CPT1C: variants seen among roughly 807,000 people sequenced by gnomAD.
The protein encoded by CPT1C is palmitoyl thioesterase CPT1C.
In CPT1C, 61 loss-of-function variants were observed where a neutral mutation model predicts 97.3. The ratio of observed to expected loss-of-function variants is 0.63; its 90% CI spans 0.51 to 0.78. The LOEUF is 0.78. Among genes scored for constraint, CPT1C ranks in the 30% least tolerant of loss-of-function variants. The probability of loss-of-function intolerance (pLI) is 0.00; values close to 1 mark genes in which losing one functional copy is unlikely to be tolerated. For missense variants in CPT1C, 975 were observed against 1,065.5 expected (o/e 0.92, Z 1.18); for synonymous variants, 469 against 447.2 (o/e 1.05, Z -0.61).
At position 49,706,485 on chromosome 19, in the gene CPT1C, C is replaced by G. The variant is rs960873215; in HGVS notation, c.1343+72C>G. 8.5e-6 allele frequency: 11 copies of G among 1,286,954 alleles called. No individual in the cohort carries two copies. The highest frequency in any genetic ancestry group is 1.0e-5 in the Non-Finnish European group (10 of 990,908). 79.7% of individuals were successfully genotyped at this position (1,286,954 alleles called of 1,614,324 possible). On this transcript the variant is annotated intron_variant, in intron 12 of 19. Transcript: ENST00000598293. The surrounding 1 kb of genome is among the most constrained non-coding windows in gnomAD (Gnocchi z 4.8). ...CCAGTATCAGACCTAGGACCCCTGA[C>G]AGTAGACAGCCAGACCCTGGAGCCC...
In CPT1C at chr19:49,694,079, TAAAATAA is replaced by T. The variant is rs1221215124; in HGVS notation, c.141+1695_141+1701del. Among the ~76,000 whole-genome samples, 284 of 144,462 alleles carry T rather than the reference TAAAATAA, an allele frequency of 2.0e-3. 3 individuals carry two copies. Among genetic ancestry groups the T allele is most frequent in the South Asian group, 3.2e-3 (15 of 4,640 alleles). The allele number at this position is 144,462 out of a possible 152,430, so 94.8% of individuals were successfully genotyped here. On this transcript the variant is annotated intron_variant, in intron 3 of 19. Transcript: ENST00000598293. Reference sequence around the variant, plus strand: ...GACTCCGTCTCAAAAAAAAATAAAATAAAATAAAAAATAAATAAATAAATAAATAAAT... The same window carrying T: ...GACTCCGTCTCAAAAAAAAATAAAATAAAATAAATAAATAAATAAATAAAT...
Position 49,706,153 on chromosome 19 carries a change from C to T in CPT1C, c.1160+49C>T, listed in dbSNP as rs757810539. 1.9e-6 allele frequency: 3 copies of T among 1,574,160 alleles called. No individual in the cohort carries two copies. The highest frequency in any genetic ancestry group is 4.5e-5 in the East Asian group (2 of 44,260). On this transcript the variant is annotated intron_variant, in intron 11 of 19. Coordinates refer to ENST00000598293, the MANE Select transcript of CPT1C (RefSeq NM_001199753.2). This position sits in a 1 kb window ranked among gnomAD's most constrained non-coding sequence, Gnocchi z 4.8. Reference sequence around the variant, plus strand: ...AGGGGCTCTCAGAGGCCGCCAGTGTCCTGAGACTGTGGAAGGGCAGGGTGG... The same window carrying T: ...AGGGGCTCTCAGAGGCCGCCAGTGTTCTGAGACTGTGGAAGGGCAGGGTGG...
Position 49,697,361 on chromosome 19 carries a change from C to A in CPT1C, c.177C>A (p.Pro59=), listed in dbSNP as rs2082728916. Residue 59 remains proline, a synonymous_variant, in exon 4 of 20, where the codon CCC becomes CCA. Transcript: ENST00000598293. ...DFLTGVFPAS[P]LSWLFLFSAI... ...TCACCGGTGTGTTTCCTGCCAGCCC[C>A]CTCAGTTGGCTTTTCCTCTTCAGTG... 3.1e-6 allele frequency: 5 copies of A among 1,614,128 alleles called. No individual in the cohort carries two copies. The highest frequency in any genetic ancestry group is 4.2e-6 in the Non-Finnish European group (5 of 1,180,018).
At chr19:49,703,443 G>T (rs1033309400) in intron 7 of CPT1C, among the ~76,000 whole-genome samples, 1 of 149,072 alleles carries the variant, frequency 6.7e-6, no homozygotes, top group Admixed American at 6.8e-5. Context: ...CTCGTGATCC[G>T]CCTGCCTCGG....
Position 49,692,393 on chromosome 19 carries a change from G to C in CPT1C, c.141G>C (p.Trp47Cys). ...GGAAAAGGCATCTCTCACGTTTCTGGGTGAGGAGCGGTGCTGGTCGGTTTC... is the reference window on the plus strand; with the variant it reads ...GGAAAAGGCATCTCTCACGTTTCTGCGTGAGGAGCGGTGCTGGTCGGTTTC... ...RSWKRHLSRF[W>C]NDFLTGVFPA... Residue 47 changes from tryptophan to cysteine, a missense_variant and splice_region_variant, in exon 3 of 20, where the codon TGG (tryptophan) becomes TGC (cysteine). Physicochemically the swap from Trp to Cys is radical, Grantham distance 215 (BLOSUM62 -2). Coordinates refer to ENST00000598293, the MANE Select transcript of CPT1C (RefSeq NM_001199753.2). The C allele has an allele frequency of 6.2e-7, 1 of 1,614,066 alleles. No individual in the cohort carries two copies. Among genetic ancestry groups the C allele is most frequent in the Non-Finnish European group, 8.5e-7 (1 of 1,179,980 alleles).
intron 10 of CPT1C, 113 bp downstream of exon 10, chr19:49,705,411 C>T (rs2083444719): frequency 1.1e-6 from 1 of 877,136 alleles, no homozygotes; most frequent in Non-Finnish European, 1.8e-6. Context: ...TGCTGTGTGA[C>T]CTTCTGCACG....
intron 3 of CPT1C, chr19:49,696,566 T>A (rs2082685391): frequency 6.6e-6 from 1 of 151,082 alleles, no homozygotes; most frequent in Admixed American, 6.6e-5. Context: ...GCTCAAGCGA[T>A]CCTCCTGCTT....
intron 4 of CPT1C, among the ~76,000 whole-genome samples, chr19:49,699,986 G>A (rs182618283): frequency 4.0e-5 from 6 of 148,920 alleles, no homozygotes; most frequent in Admixed American, 1.4e-4. Flanking sequence ...GGTGGCTCAC[G>A]CCTGTAATCC....
intron 13 of CPT1C, among the ~76,000 whole-genome samples, chr19:49,708,329 T>TA (rs994058479): frequency 9.8e-4 from 144 of 146,806 alleles, no homozygotes; most frequent in Middle Eastern, 3.5e-3. Flanking sequence ...CAAAAAACGT[T>TA]AAAAAAAAAC....
Position 49,702,114 on chromosome 19 carries a change from T to TTATTTATTTATAAATTATAAATAAATATA in CPT1C, c.693+522_693+550dup, listed in dbSNP as rs1228248540. Among the ~76,000 whole-genome samples, 35 of 12,132 alleles carry TTATTTATTTATAAATTATAAATAAATATA rather than the reference T, an allele frequency of 2.9e-3. 1 individual carries two copies. Among genetic ancestry groups the TTATTTATTTATAAATTATAAATAAATATA allele is most frequent in the South Asian group, 0.017 (7 of 422 alleles). The allele number at this position is 12,132 out of a possible 152,430, so 8.0% of individuals were successfully genotyped here. ...TTATTTATAAATTATAAATATATAT[T>TTATTTATTTATAAATTATAAATAAATATA]TATTTATTTATAAATTATAAATAAA... On this transcript the variant is annotated intron_variant, in intron 7 of 19. Coordinates refer to ENST00000598293, the MANE Select transcript of CPT1C (RefSeq NM_001199753.2).
Position 49,697,335 on chromosome 19 carries a change from C to T in CPT1C, c.151C>T (p.Leu51Phe). The T allele has an allele frequency of 1.2e-6, 2 of 1,614,132 alleles. No individual in the cohort carries two copies. The highest frequency in any genetic ancestry group is 1.7e-6 in the Non-Finnish European group (2 of 1,180,016). The change falls in exon 4 of 20, where the codon CTC (leucine) becomes TTC (phenylalanine). Residue 51 changes from leucine to phenylalanine, a missense_variant. Physicochemically the swap from Leu to Phe is conservative, Grantham distance 22 (BLOSUM62 0). This residue lies in a region of CPT1C where 596 missense variants were observed against 603.1 expected (regional missense o/e 0.99). Transcript: ENST00000598293. ...RHLSRFWNDF[L>F]TGVFPASPLS... ...CCTTTCCTCCCCACAGAATGACTTTCTCACCGGTGTGTTTCCTGCCAGCCC... is the reference window on the plus strand; with the variant it reads ...CCTTTCCTCCCCACAGAATGACTTTTTCACCGGTGTGTTTCCTGCCAGCCC...
rs753328360 is a variant in CPT1C, at chr19:49,701,549, C to T, written c.608C>T (p.Ala203Val). The change falls in exon 7 of 20, where the codon GCG becomes GTG. Residue 203 changes from alanine (A) to valine (V), a missense_variant. Around this residue, in one of 3 missense-constraint regions of CPT1C, gnomAD observed 596 missense variants for 603.1 expected, o/e 0.99. Transcript: ENST00000598293. Reference sequence around the variant, plus strand: ...TCCGACGAGGACTTCGACTGGACCGCGGTCCTGGCGCAGGAATTCCTGAGG... The same window carrying T: ...TCCGACGAGGACTTCGACTGGACCGTGGTCCTGGCGCAGGAATTCCTGAGG... ...ILSDEDFDWT[A>V]VLAQEFLRLQ... 1 of 1,611,948 alleles carries T rather than the reference C, an allele frequency of 6.2e-7. No homozygotes were observed. The highest frequency in any genetic ancestry group is 1.1e-5 in the South Asian group (1 of 90,848).
intron 7 of CPT1C, among the ~76,000 whole-genome samples, chr19:49,702,795 G>A (rs988855703): frequency 2.0e-5 from 3 of 151,896 alleles, no homozygotes; most frequent in African/African-American, 4.8e-5. Context: ...TGGTGTGGGG[G>A]AAAGACTGGA....
chr19:49,713,221 C>T lies in CPT1C; in HGVS notation c.2226+157C>T, dbSNP rs1215638159. ...CCCCCAGCCCCTCCTCCCTCAGACC[C>T]GGGAGTCCAGGCCCCCAGCCCCTCC... On this transcript the variant is annotated intron_variant, in intron 19 of 19. Coordinates refer to ENST00000598293, the MANE Select transcript of CPT1C (RefSeq NM_001199753.2). 6.7e-6 allele frequency: 5 copies of T among 747,278 alleles called. No individual in the cohort carries two copies. The Admixed American group carries it at 1.1e-4, about 17-fold the overall frequency. 46.3% of individuals were successfully genotyped at this position (747,278 alleles called of 1,614,324 possible). A position where few individuals can be genotyped will look rare whatever the true frequency, so the allele number is the denominator to read the frequency against.
Position 49,710,795 on chromosome 19 carries a change from G to A in CPT1C, c.1804G>A (p.Val602Met), listed in dbSNP as rs1437526270. 1 of 1,614,098 alleles carries A rather than the reference G, an allele frequency of 6.2e-7. No individual in the cohort carries two copies. Among genetic ancestry groups the A allele is most frequent in the African/African-American group, 1.3e-5 (1 of 75,058 alleles). Residue 602 changes from valine (V) to methionine (M), a missense_variant, in exon 16 of 20, where the codon GTG becomes ATG. Physicochemically the swap from Val to Met is conservative, Grantham distance 21. Transcript: ENST00000598293. Reference sequence around the variant, plus strand: ...ATTCCTGGAAGGCCGGACGGAGACGGTGCGGTCTTGCACGAGGGAGGCCTG... The same window carrying A: ...ATTCCTGGAAGGCCGGACGGAGACGATGCGGTCTTGCACGAGGGAGGCCTG... ...RLFLEGRTET[V>M]RSCTREACNF...
chr19:49,712,661 G>C, intron 17 of CPT1C, 75 bp from the exon 18 acceptor site: 2 of 1,092,306 alleles, frequency 1.8e-6, no homozygotes, highest in African/African-American at 3.1e-5. Flanking sequence ...AGCCAGGGAT[G>C]CAGGGAGTGA....
chr19:49,704,690 T>C lies in CPT1C; in HGVS notation c.694-20T>C. On this transcript the variant is annotated intron_variant, in intron 7 of 19. Transcript: ENST00000598293. ...ACAGGCCCCAGCCCCTCACTGTGTG[T>C]CTCCCCACCCCGCTCCCAGGTCAGT... 1 of 1,609,914 alleles carries C rather than the reference T, an allele frequency of 6.2e-7. No homozygotes were observed. Among genetic ancestry groups the C allele is most frequent in the Non-Finnish European group, 8.5e-7 (1 of 1,177,094 alleles).
intron 7 of CPT1C, among the ~76,000 whole-genome samples, chr19:49,703,825 G>A (rs1319524418): frequency 1.3e-5 from 2 of 151,806 alleles, no homozygotes; most frequent in African/African-American, 2.4e-5. Flanking sequence ...TAGACATGGG[G>A]TCTTGCTATG....
intron 2 of CPT1C, 94 bp from the exon 3 acceptor site, chr19:49,692,145 T>C (rs2123074011): frequency 7.2e-7 from 1 of 1,396,300 alleles, no homozygotes; most frequent in Non-Finnish European, 9.7e-7. Flanking sequence ...CCTGGACTCC[T>C]GGGTATGAAG....
Sources: gnomAD v4.1 joint callset for allele counts (sites outside exome capture counted in the v4.1 genomes callset) on GRCh38, gnomAD v4.1.1 for gene constraint, gnomAD v4.1.1 regional missense constraint, Gnocchi (gnomAD v3.1) non-coding constraint, MANE v1.5 for transcripts, NCBI Gene and HGNC (gene_info 2026-07-23, HGNC 2026-07-21) for gene names.